The following IGF1 variants were observed in gnomAD, a reference collection of about 807,000 sequenced individuals.
IGF1 encodes the protein insulin like growth factor 1.
In IGF1, 4 loss-of-function variants were observed where a neutral mutation model predicts 13.8. The ratio of observed to expected loss-of-function variants is 0.29; its 90% CI spans 0.14 to 0.66. The LOEUF (loss-of-function observed/expected upper bound fraction) is 0.66, where lower values mean the gene tolerates loss of function less well. IGF1 is among the 30% of genes least tolerant of loss of function. IGF1 has a pLI of 0.78. For synonymous variants in IGF1, 76 were observed against 72.6 expected (o/e 1.05, Z -0.23); for missense variants, 124 against 188.5 (o/e 0.66, Z 2.00).
intron 1 of IGF1, among the ~76,000 whole-genome samples, chr12:102,478,309 GA>G (rs539605492): frequency 1.2e-3 from 175 of 142,342 alleles, no homozygotes; most frequent in African/African-American, 4.2e-3. Flanking sequence ...AAAGACATGA[GA>G]AAAAAAGAAA....
intron 2 of IGF1, among the ~76,000 whole-genome samples, chr12:102,421,876 T>C (rs1271452894): frequency 6.6e-6 from 1 of 152,230 alleles, no homozygotes; most frequent in African/African-American, 2.4e-5. Context: ...CCTTGTCTGC[T>C]ATAAGAGGAA....
rs147143936 is a variant in IGF1, at chr12:102,473,330, A to C, written c.220+2313T>G. On this transcript the variant is annotated intron_variant, in intron 2 of 3. Transcript: ENST00000337514. ...CCCTTGAAAACAAGGTCAATCTCTC[A>C]TTCATTTCTAGGCATCTCATTCATA... 1.9e-4 allele frequency among the ~76,000 whole-genome samples: 29 copies of C among 152,336 alleles called. No individual in the cohort carries two copies. The East Asian group carries it at 5.4e-3, about 28-fold the overall frequency.
intron 3 of IGF1, among the ~76,000 whole-genome samples, chr12:102,408,833 C>T (rs2136958436): frequency 6.6e-6 from 1 of 152,284 alleles, no homozygotes; most frequent in African/African-American, 2.4e-5. Flanking sequence ...AAAATGTTTC[C>T]AACCAATCTA....
chr12:102,428,942 A>G (rs749192431), intron 2 of IGF1, among the ~76,000 whole-genome samples: 2 of 152,228 alleles, frequency 1.3e-5, no homozygotes, highest in African/African-American at 2.4e-5. Flanking sequence ...TCCAGACAGG[A>G]CATCATCTAT....
In IGF1 at chr12:102,441,028, T is replaced by C. The variant is rs1311224081; in HGVS notation, c.221-21338A>G. ...ACAAATTTAATATTGTGTTGGGGAA[T>C]ATGCTTCAGCTATCCCCTGTACAAG... is the stretch of plus-strand genomic sequence containing the variant. On this transcript the variant is annotated intron_variant, in intron 2 of 3. Transcript: ENST00000337514. Among the ~76,000 whole-genome samples, 3 of 152,344 alleles carry C rather than the reference T, an allele frequency of 2.0e-5. No homozygotes were observed. The East Asian group carries it at 5.8e-4, about 29-fold the overall frequency.
chr12:102,463,804 C>T (rs1369418315), intron 2 of IGF1, among the ~76,000 whole-genome samples: 1 of 152,186 alleles, frequency 6.6e-6, no homozygotes, highest in Non-Finnish European at 1.5e-5. Context: ...GAGCTCTGGA[C>T]CAAGCATGAG....
intron 3 of IGF1, among the ~76,000 whole-genome samples, chr12:102,405,310 A>G (rs973527594): frequency 1.4e-5 from 2 of 146,470 alleles, no homozygotes; most frequent in African/African-American, 5.0e-5. Flanking sequence ...CTGGTCTTGA[A>G]CTCCTGACCT....
At chr12:102,410,884 A>G (rs368563862) in intron 3 of IGF1, among the ~76,000 whole-genome samples, 2 of 152,348 alleles carry the variant, frequency 1.3e-5, no homozygotes, top group East Asian at 3.9e-4. Flanking sequence ...ATGAGAAGTT[A>G]AATTGATTTG....
Position 102,480,553 on chromosome 12 carries a change from G to A in IGF1, c.-172C>T. On this transcript the variant is annotated 5_prime_UTR_variant, in exon 1 of 4. Coordinates refer to ENST00000337514, the MANE Select transcript of IGF1 (RefSeq NM_000618.5). ...AATTTAGCAGTGACAGTGAGATTTAGCAAACAGAAGAGGGATTTAGAGAAA... is the reference window on the plus strand; with the variant it reads ...AATTTAGCAGTGACAGTGAGATTTAACAAACAGAAGAGGGATTTAGAGAAA... 1 of 1,472,088 alleles carries A rather than the reference G, an allele frequency of 6.8e-7. No homozygotes were observed. The highest frequency in any genetic ancestry group is 9.0e-7 in the Non-Finnish European group (1 of 1,113,112). 91.2% of individuals were successfully genotyped at this position (1,472,088 alleles called of 1,614,324 possible). A position where few individuals can be genotyped will look rare whatever the true frequency, so the allele number is the denominator to read the frequency against.
Position 102,422,764 on chromosome 12 carries a change from A to T in IGF1, c.221-3074T>A, listed in dbSNP as rs564472447. The stretch of plus-strand genomic sequence containing the variant: ...TCATTTCGACTAATTTTTAAATGAG[A>T]TGGAACTAATTGTTTTATCTTTGCC... On this transcript the variant is annotated intron_variant, in intron 2 of 3. Transcript: ENST00000337514. Among the ~76,000 whole-genome samples the T allele has an allele frequency of 2.0e-5, 3 of 152,288 alleles. No homozygotes were observed. The South Asian group carries it at 6.2e-4, about 32-fold the overall frequency.
At chr12:102,437,454 A>G (rs1397983082) in intron 2 of IGF1, among the ~76,000 whole-genome samples, 2 of 152,216 alleles carry the variant, frequency 1.3e-5, no homozygotes, top group Non-Finnish European at 2.9e-5. Flanking sequence ...TTTTAGTTTG[A>G]TGTAATCCCA....
At chr12:102,421,663 CTT>C (rs1469062350) in intron 2 of IGF1, among the ~76,000 whole-genome samples, 1 of 152,214 alleles carries the variant, frequency 6.6e-6, no homozygotes, top group East Asian at 1.9e-4. Context: ...GAAATGGTAA[CTT>C]GATGTTTGGG....
rs1873705578 is a variant in IGF1, at chr12:102,401,819, A to T, written c.*688T>A. On this transcript the variant is annotated 3_prime_UTR_variant, in exon 4 of 4. Transcript: ENST00000337514. Reference sequence around the variant, plus strand: ...AAAAATGATTGGCCTCAAAGTTGCAACTATTTGCATTATTCTTTTTTGTAA... The same window carrying T: ...AAAAATGATTGGCCTCAAAGTTGCATCTATTTGCATTATTCTTTTTTGTAA... 6.6e-6 allele frequency: 1 copy of T among 152,640 alleles called. No homozygotes were observed. Among genetic ancestry groups the T allele is most frequent in the Non-Finnish European group, 1.5e-5 (1 of 68,042 alleles). 9.5% of individuals were successfully genotyped at this position (152,640 alleles called of 1,614,324 possible). A position where few individuals can be genotyped will look rare whatever the true frequency, so the allele number is the denominator to read the frequency against.
intron 2 of IGF1, among the ~76,000 whole-genome samples, chr12:102,448,964 T>C (rs968049066): frequency 1.1e-4 from 16 of 152,186 alleles, no homozygotes; most frequent in Non-Finnish European, 1.9e-4. Flanking sequence ...TGTAAATTAG[T>C]TCAACCATTG....
chr12:102,451,635 C>T (rs1013783511), intron 2 of IGF1, among the ~76,000 whole-genome samples: 4 of 152,202 alleles, frequency 2.6e-5, no homozygotes, highest in Admixed American at 6.5e-5. Flanking sequence ...TATAGCTCAC[C>T]GCTCAGATGA....
intron 3 of IGF1, among the ~76,000 whole-genome samples, chr12:102,414,087 G>A (rs1211410633): frequency 6.6e-6 from 1 of 152,130 alleles, no homozygotes; most frequent in Non-Finnish European, 1.5e-5. Context: ...GTAAAATAAT[G>A]TTAACTAAAA....
rs1183605865 is a variant in IGF1 at position 102,404,761 on chromosome 12, TTG to T, written c.403-2197_403-2196del. Among the ~76,000 whole-genome samples, 4 of 23,720 alleles carry T rather than the reference TTG, an allele frequency of 1.7e-4. No individual in the cohort carries two copies. The East Asian group carries it at 0.022, about 132-fold the overall frequency. The allele number at this position is 23,720 out of a possible 152,430, so 15.6% of individuals were successfully genotyped here. ...TAAACTTGTGTTTTGTTTTTTTTTG[TTG>T]TTTTTTTTTTTTGAGATGGAGTCTC... On this transcript the variant is annotated intron_variant, in intron 3 of 3. Coordinates refer to ENST00000337514, the MANE Select transcript of IGF1 (RefSeq NM_000618.5).
intron 2 of IGF1, among the ~76,000 whole-genome samples, chr12:102,457,694 A>C (rs545817526): frequency 6.6e-6 from 1 of 152,228 alleles, no homozygotes; most frequent in Non-Finnish European, 1.5e-5. Flanking sequence ...TTCAGTAAAC[A>C]TATTTTGAGA....
chr12:102,429,848 A>G (rs112351867), intron 2 of IGF1, among the ~76,000 whole-genome samples: 1 of 152,154 alleles, frequency 6.6e-6, no homozygotes, highest in African/African-American at 2.4e-5. Context: ...CTTCTGGCCA[A>G]CCGCTCACTT....
Sources: gnomAD v4.1 joint callset for allele counts (sites outside exome capture counted in the v4.1 genomes callset) on GRCh38, gnomAD v4.1.1 for gene constraint, MANE v1.5 for transcripts, NCBI Gene and HGNC (gene_info 2026-07-23, HGNC 2026-07-21) for gene names.